MTO1: variants seen among roughly 807,000 people sequenced by gnomAD.
MTO1 encodes 5-taurinomethyluridine-[tRNA] synthase subunit MTO1, mitochondrial.
A neutral mutation model predicts 71.6 loss-of-function variants in MTO1; 46 were observed. The ratio of observed to expected loss-of-function variants is 0.64; its 90% CI spans 0.51 to 0.82. The LOEUF is 0.82. MTO1 is among the 40% of genes least tolerant of loss of function. MTO1 has a pLI of 0.00. For synonymous variants in MTO1, 297 were observed against 312.1 expected (o/e 0.95, Z 0.51); for missense variants, 773 against 867.5 (o/e 0.89, Z 1.37).
intron 3 of MTO1, among the ~76,000 whole-genome samples, 185 bp downstream of exon 3, chr6:73,466,791 A>T (rs1171740123): frequency 6.6e-6 from 1 of 152,166 alleles, no homozygotes; most frequent in Non-Finnish European, 1.5e-5. Context: ...TATGATGCTC[A>T]GTCAAATTCT....
At chr6:73,474,399 A>G (rs1412115812) in intron 4 of MTO1, among the ~76,000 whole-genome samples, 2 of 152,084 alleles carry the variant, frequency 1.3e-5, no homozygotes, top group East Asian at 3.9e-4. Flanking sequence ...AGTAATCTCT[A>G]AAAGGGATTA....
At chr6:73,496,300 A>G (rs1307668322) in intron 10 of MTO1, among the ~76,000 whole-genome samples, 1 of 152,082 alleles carries the variant, frequency 6.6e-6, no homozygotes, top group Non-Finnish European at 1.5e-5. Context: ...TTTTAATTTA[A>G]TTTTCTAAGA....
chr6:73,475,643 T>C (rs997837938), intron 4 of MTO1, among the ~76,000 whole-genome samples: 13 of 151,992 alleles, frequency 8.6e-5, no homozygotes, highest in Non-Finnish European at 1.3e-4. Flanking sequence ...GTCTCTTAAG[T>C]AGCTGGGATT....
intron 10 of MTO1, chr6:73,492,560 A>G: frequency 2.4e-6 from 1 of 412,070 alleles, no homozygotes; most frequent in Non-Finnish European, 4.5e-6. Flanking sequence ...TTATAATCCC[A>G]GCACTTTGGG....
rs553015202 is a variant in MTO1, at chr6:73,507,705, C to G, written c.*6970C>G. ...AAAGTTTCTCCATCCCGGCAGGGTGCGGTGGCTCACGCCTGTAATCCCAAC... is the reference window on the plus strand; with the variant it reads ...AAAGTTTCTCCATCCCGGCAGGGTGGGGTGGCTCACGCCTGTAATCCCAAC... On this transcript the variant is annotated 3_prime_UTR_variant, in exon 12 of 12. Coordinates refer to ENST00000498286, the MANE Select transcript of MTO1 (RefSeq NM_012123.4). 1 of 152,238 alleles carries G rather than the reference C, an allele frequency of 6.6e-6. No individual in the cohort carries two copies. The highest frequency in any genetic ancestry group is 1.5e-5 in the Non-Finnish European group (1 of 68,100). 9.4% of individuals were successfully genotyped at this position (152,238 alleles called of 1,614,324 possible). A position where few individuals can be genotyped will look rare whatever the true frequency, so the allele number is the denominator to read the frequency against.
intron 1 of MTO1, among the ~76,000 whole-genome samples, chr6:73,463,057 A>G (rs1770875187): frequency 1.4e-5 from 2 of 143,792 alleles, no homozygotes; most frequent in African/African-American, 5.2e-5. Flanking sequence ...AGAGTCTTGC[A>G]CTGTCACACA....
rs1380699486 is a variant in MTO1, at chr6:73,480,869, T to C, written c.1260+64T>C. 2.0e-6 allele frequency: 3 copies of C among 1,522,574 alleles called. No individual in the cohort carries two copies. The African/African-American group carries it at 4.1e-5, about 21-fold the overall frequency. The allele number at this position is 1,522,574 out of a possible 1,614,324, so 94.3% of individuals were successfully genotyped here. A position where few individuals can be genotyped will look rare whatever the true frequency, so the allele number is the denominator to read the frequency against. ...ATTTAACTGGTATTTCTCCTTTTAA[T>C]GTCTGTTGTGTTAACTATGTAGATC... On this transcript the variant is annotated intron_variant, in intron 7 of 11. Coordinates refer to ENST00000498286, the MANE Select transcript of MTO1 (RefSeq NM_012123.4).
chr6:73,486,724 G>A, intron 9 of MTO1: 1 of 271,286 alleles, frequency 3.7e-6, no homozygotes, highest in Non-Finnish European at 7.5e-6. Context: ...AGGGACAAGA[G>A]TGAGACTTCT....
rs1772254953 is a variant in MTO1 at position 73,505,300 on chromosome 6, A to G, written c.*4565A>G. 6.6e-6 allele frequency: 1 copy of G among 152,262 alleles called. No individual in the cohort carries two copies. The highest frequency in any genetic ancestry group is 2.4e-5 in the African/African-American group (1 of 41,468). The allele number at this position is 152,262 out of a possible 1,614,324, so 9.4% of individuals were successfully genotyped here. On this transcript the variant is annotated 3_prime_UTR_variant, in exon 12 of 12. Coordinates refer to ENST00000498286, the MANE Select transcript of MTO1 (RefSeq NM_012123.4). ...AGGATAAACAAAATGTGGCATATAC[A>G]TACAATGGAATATTATACAGCCTTA...
At chr6:73,499,042 A>C (rs1028800801) in intron 11 of MTO1, among the ~76,000 whole-genome samples, 3 of 152,128 alleles carry the variant, frequency 2.0e-5, no homozygotes, top group African/African-American at 7.2e-5. Context: ...CATCTTTACT[A>C]TCTCAAAAAT....
At position 73,500,967 on chromosome 6, in the gene MTO1, T is replaced by C. The variant is rs1582704551; in HGVS notation, c.*232T>C. ...TAAGGAGCTGTAATACAAATAACTTTGTGCAGTGTTCATCAAAGAGAGAGA... is the reference window on the plus strand; with the variant it reads ...TAAGGAGCTGTAATACAAATAACTTCGTGCAGTGTTCATCAAAGAGAGAGA... On this transcript the variant is annotated 3_prime_UTR_variant, in exon 12 of 12. Coordinates refer to ENST00000498286, the MANE Select transcript of MTO1 (RefSeq NM_012123.4). 9.3e-6 allele frequency: 3 copies of C among 323,900 alleles called. No homozygotes were observed. In the East Asian group the frequency reaches 1.5e-4, roughly 16 times the overall value. 20.1% of individuals were successfully genotyped at this position (323,900 alleles called of 1,614,324 possible).
intron 3 of MTO1, among the ~76,000 whole-genome samples, chr6:73,467,562 G>A (rs1036893315): frequency 1.3e-5 from 2 of 150,000 alleles, no homozygotes; most frequent in African/African-American, 4.9e-5. Flanking sequence ...GTGGTGAGCC[G>A]AGATCACACC....
At chr6:73,489,567 AG>A (rs1771749602) in intron 9 of MTO1, among the ~76,000 whole-genome samples, 1 of 151,940 alleles carries the variant, frequency 6.6e-6, no homozygotes, top group African/African-American at 2.4e-5. Context: ...TAGTTTGCTC[AG>A]AATGATGGTT....
At chr6:73,482,018 A>C (rs1241392831) in intron 7 of MTO1, 22 bp from the exon 8 acceptor site, 1 of 1,613,672 alleles carries the variant, frequency 6.2e-7, no homozygotes, top group Non-Finnish European at 8.5e-7. Context: ...ATGGCCTTTT[A>C]AACATTTCAG....
chr6:73,465,364 G>C (rs373993189), intron 1 of MTO1, among the ~76,000 whole-genome samples: 3 of 151,822 alleles, frequency 2.0e-5, no homozygotes, highest in Non-Finnish European at 4.4e-5. Flanking sequence ...GGGTTTCACC[G>C]TGTCGCCCAG....
intron 11 of MTO1, among the ~76,000 whole-genome samples, chr6:73,498,548 C>T (rs1772064164): frequency 6.6e-6 from 1 of 151,676 alleles, no homozygotes; most frequent in Admixed American, 6.6e-5. Context: ...AATGCCCCCA[C>T]CACGTGCTTC....
rs1454178328 is a variant in MTO1 at position 73,461,962 on chromosome 6, C to T, written c.108C>T (p.His36=). ...SSDSAAPRTP[H]FDVIVIGGGH... ...ACAGCGCGGCGCCCCGGACTCCGCA[C>T]TTCGACGTGATAGTCATTGGTGGAG... Residue 36 remains histidine, a synonymous_variant, in exon 1 of 12, where the codon CAC becomes CAT. Transcript: ENST00000498286. 6 of 1,614,236 alleles carry T rather than the reference C, an allele frequency of 3.7e-6. No individual in the cohort carries two copies. The highest frequency in any genetic ancestry group is 4.2e-6 in the Non-Finnish European group (5 of 1,180,048).
At chr6:73,478,818 A>G (rs1338868622) in intron 4 of MTO1, among the ~76,000 whole-genome samples, 3 of 152,070 alleles carry the variant, frequency 2.0e-5, no homozygotes, top group South Asian at 2.1e-4. Context: ...CTGGGATTAC[A>G]GGCGTGAGCC....
At chr6:73,476,689 T>C (rs1312981929) in intron 4 of MTO1, among the ~76,000 whole-genome samples, 1 of 152,122 alleles carries the variant, frequency 6.6e-6, no homozygotes, top group East Asian at 1.9e-4. Flanking sequence ...GATGAGCTCT[T>C]ACCTTAAGCC....
Sources: allele counts gnomAD v4.1 joint callset (sites outside exome capture counted in the v4.1 genomes callset), GRCh38; gene constraint gnomAD v4.1.1; transcripts MANE v1.5; gene names NCBI Gene and HGNC (gene_info 2026-07-23, HGNC 2026-07-21).